Variants in FRAS1 observed in about 807,000 individuals in gnomAD.
The protein encoded by FRAS1 is extracellular matrix organizing protein FRAS1.
In FRAS1, 290 loss-of-function variants were observed where a neutral mutation model predicts 435.2. The observed-to-expected ratio is 0.67, with a 90% confidence interval of 0.61 to 0.73. FRAS1 has a LOEUF of 0.73. FRAS1 is among the 30% of genes least tolerant of loss of function. The pLI, the probability that FRAS1 is intolerant of heterozygous loss-of-function variation, is 0.00. For missense variants in FRAS1, 4,860 were observed against 5,001.5 expected, an observed-to-expected ratio of 0.97 and a Z score of 0.85; for synonymous variants, 1,800 against 1,851.0, an observed-to-expected ratio of 0.97 and a Z score of 0.71.
intron 38 of FRAS1, among the ~76,000 whole-genome samples, 178 bp from the exon 39 acceptor site, chr4:78,438,392 A>G (rs143553145): frequency 3.9e-5 from 6 of 152,344 alleles, no homozygotes; most frequent in Non-Finnish European, 7.4e-5. Flanking sequence ...AATTTGGGGA[A>G]GAATAAACAC....
chr4:78,326,858 C>T (rs1168947971), intron 18 of FRAS1, among the ~76,000 whole-genome samples: 1 of 152,048 alleles, frequency 6.6e-6, no homozygotes, highest in African/African-American at 2.4e-5. Flanking sequence ...ATCCATCTAT[C>T]CACCCCCACA....
intron 2 of FRAS1, among the ~76,000 whole-genome samples, chr4:78,178,283 C>T (rs1229105855): frequency 6.6e-6 from 1 of 152,108 alleles, no homozygotes; most frequent in Non-Finnish European, 1.5e-5. Flanking sequence ...ACTGCAGGCA[C>T]CTTAAAAGGG....
intron 2 of FRAS1, among the ~76,000 whole-genome samples, chr4:78,223,530 C>G (rs1724140556): frequency 6.6e-6 from 1 of 152,058 alleles, no homozygotes; most frequent in Non-Finnish European, 1.5e-5. Context: ...TACTTTAATT[C>G]ATTAATCTAA....
intron 2 of FRAS1, among the ~76,000 whole-genome samples, chr4:78,183,590 C>T (rs988242331): frequency 2.6e-5 from 4 of 152,146 alleles, no homozygotes; most frequent in Non-Finnish European, 4.4e-5. Context: ...CAAATTATCT[C>T]TTTAGTCTTG....
Position 78,481,859 on chromosome 4 carries a change from T to G in FRAS1, c.8499T>G (p.Ser2833=). 6.2e-7 allele frequency: 1 copy of G among 1,613,942 alleles called. No homozygotes were observed. The highest frequency in any genetic ancestry group is 1.1e-5 in the South Asian group (1 of 91,080). Residue 2833 remains serine, a synonymous_variant, in exon 57 of 74, where the codon TCT becomes TCG. Coordinates refer to ENST00000512123, the MANE Select transcript of FRAS1 (RefSeq NM_025074.7). ...RHGTDLSTFA[S]VWCATRPSDP... ...GTACTGACCTCTCTACTTTCGCATC[T>G]GTCTGGTGTGCAACGCGGCCCTCAG...
intron 2 of FRAS1, among the ~76,000 whole-genome samples, chr4:78,115,153 C>G (rs539092645): frequency 6.6e-6 from 1 of 151,250 alleles, no homozygotes; most frequent in Non-Finnish European, 1.5e-5. Context: ...GTATGTTGAA[C>G]CAGCCTTGCA....
intron 2 of FRAS1, among the ~76,000 whole-genome samples, chr4:78,113,267 G>T (rs565861949): frequency 6.6e-6 from 1 of 152,272 alleles, no homozygotes; most frequent in South Asian, 2.1e-4. Flanking sequence ...TTGCTATTGT[G>T]AATAGTGCCG....
At chr4:78,174,018 T>C (rs577370689) in intron 2 of FRAS1, among the ~76,000 whole-genome samples, 9 of 152,348 alleles carry the variant, frequency 5.9e-5, no homozygotes, top group African/African-American at 2.2e-4. Context: ...TAACTCTTGA[T>C]TGCCACGTCC....
At chr4:78,205,828 G>A (rs1380023323) in intron 2 of FRAS1, among the ~76,000 whole-genome samples, 1 of 151,990 alleles carries the variant, frequency 6.6e-6, no homozygotes, top group African/African-American at 2.4e-5. Flanking sequence ...ACCGCAGTCT[G>A]GCCTCTCACT....
At chr4:78,231,484 A>C (rs535078690) in intron 2 of FRAS1, among the ~76,000 whole-genome samples, 68 of 152,148 alleles carry the variant, frequency 4.5e-4, no homozygotes, top group Admixed American at 4.4e-3. Context: ...TTATATCTAC[A>C]TACTGTTTTG....
intron 1 of FRAS1, among the ~76,000 whole-genome samples, chr4:78,065,192 G>A (rs991522450): frequency 1.3e-4 from 19 of 145,834 alleles, no homozygotes; most frequent in South Asian, 2.1e-4. Context: ...GTGTATATAT[G>A]TGTATATACT....
At chr4:78,068,405 G>C in intron 2 of FRAS1, 1 of 414,062 alleles carries the variant, frequency 2.4e-6, no homozygotes, top group Non-Finnish European at 4.8e-6. Context: ...GAGAATTCCA[G>C]AGATAGGGAG....
chr4:78,394,839 T>C (rs942951741), intron 29 of FRAS1, among the ~76,000 whole-genome samples: 1 of 152,032 alleles, frequency 6.6e-6, no homozygotes, highest in Non-Finnish European at 1.5e-5. Context: ...TTTATAAACA[T>C]GGGATATCTT....
chr4:78,250,663 A>C (rs925856209), intron 4 of FRAS1, among the ~76,000 whole-genome samples: 1 of 152,186 alleles, frequency 6.6e-6, no homozygotes, highest in Non-Finnish European at 1.5e-5. Context: ...AATACCACAG[A>C]TACTGCATCC....
At chr4:78,068,255 T>C (rs1456081897) in intron 2 of FRAS1, among the ~76,000 whole-genome samples, 2 of 151,976 alleles carry the variant, frequency 1.3e-5, no homozygotes, top group Non-Finnish European at 2.9e-5. Flanking sequence ...GTGGAACGGA[T>C]AGAAAAGGCT....
chr4:78,518,243 C>T lies in FRAS1; in HGVS notation c.10390-1088C>T, dbSNP rs552004962. Among the ~76,000 whole-genome samples the T allele has an allele frequency of 7.9e-5, 12 of 151,664 alleles. No individual in the cohort carries two copies. The South Asian group carries it at 2.5e-3, about 32-fold the overall frequency. ...GCATCAAATTTTAAATCCCTGACAA[C>T]TTTGAATATTAAAAAAAAACTTTAG... is the stretch of plus-strand genomic sequence containing the variant. On this transcript the variant is annotated intron_variant, in intron 66 of 73. Coordinates refer to ENST00000512123, the MANE Select transcript of FRAS1 (RefSeq NM_025074.7).
chr4:78,422,067 C>T (rs1733812018), intron 34 of FRAS1, 67 bp downstream of exon 34: 2 of 1,508,802 alleles, frequency 1.3e-6, no homozygotes, highest in Non-Finnish European at 1.8e-6. Flanking sequence ...CAGGCTCGCC[C>T]TAACTCTCCC....
chr4:78,258,127 G>T (rs1404290923), intron 6 of FRAS1, among the ~76,000 whole-genome samples: 1 of 152,064 alleles, frequency 6.6e-6, no homozygotes, highest in African/African-American at 2.4e-5. Context: ...AATTGCTTGA[G>T]CCCAGGAGTT....
intron 29 of FRAS1, among the ~76,000 whole-genome samples, chr4:78,399,416 G>T (rs985138935): frequency 6.6e-6 from 1 of 152,188 alleles, no homozygotes; most frequent in Non-Finnish European, 1.5e-5. Flanking sequence ...CTTCTAAGAT[G>T]CCCTTTGTTA....
Sources: allele counts gnomAD v4.1 joint callset (sites outside exome capture counted in the v4.1 genomes callset), GRCh38; gene constraint gnomAD v4.1.1; transcripts MANE v1.5; gene names NCBI Gene and HGNC (gene_info 2026-07-23, HGNC 2026-07-21).